TRIM9: variants seen among roughly 807,000 people sequenced by gnomAD.
TRIM9 encodes tripartite motif containing 9.
In TRIM9, 26 loss-of-function variants were observed where a neutral mutation model predicts 78.3. The ratio of observed to expected loss-of-function variants is 0.33; its 90% CI spans 0.24 to 0.46. TRIM9 has a LOEUF of 0.46. TRIM9 is among the 20% of genes least tolerant of loss of function. TRIM9 has a pLI of 1.00. For synonymous variants in TRIM9, 398 were observed against 416.5 expected (o/e 0.96, Z 0.54); for missense variants, 787 against 1,036.4 (o/e 0.76, Z 3.30).
chr14:51,070,228 C>T (rs770439095), intron 1 of TRIM9, among the ~76,000 whole-genome samples: 3 of 152,148 alleles, frequency 2.0e-5, no homozygotes, highest in East Asian at 3.9e-4. Flanking sequence ...AGATAAGCAT[C>T]GTTCAAGCAT....
chr14:51,016,817 A>G (rs1344800434), intron 3 of TRIM9, among the ~76,000 whole-genome samples: 1 of 152,168 alleles, frequency 6.6e-6, no homozygotes, highest in Non-Finnish European at 1.5e-5. Flanking sequence ...AAGTCTGTAC[A>G]TGTTCAGGAG....
chr14:51,043,323 T>C (rs1021727923), intron 1 of TRIM9, among the ~76,000 whole-genome samples: 6 of 152,128 alleles, frequency 3.9e-5, no homozygotes, highest in African/African-American at 1.2e-4. Flanking sequence ...AGCTGAGACA[T>C]GCAGCCGGAG....
chr14:50,978,559 C>A (rs192653737), intron 12 of TRIM9, among the ~76,000 whole-genome samples: 13 of 152,310 alleles, frequency 8.5e-5, no homozygotes, highest in Middle Eastern at 3.4e-3. Context: ...CTCAGCTCAC[C>A]GGTAACTGCG....
At chr14:50,989,434 A>G (rs2053188468) in intron 7 of TRIM9, among the ~76,000 whole-genome samples, 2 of 152,192 alleles carry the variant, frequency 1.3e-5, no homozygotes, top group Non-Finnish European at 2.9e-5. Context: ...TTCATATTCT[A>G]TTATTAAGGA....
At chr14:51,040,830 C>T (rs559258950) in intron 1 of TRIM9, among the ~76,000 whole-genome samples, 160 of 152,354 alleles carry the variant, frequency 1.1e-3, no homozygotes, top group Non-Finnish European at 1.7e-3. Flanking sequence ...TGACCCTTAA[C>T]TCTTCCGCTT....
chr14:51,020,321 G>A (rs1412915631), intron 3 of TRIM9, among the ~76,000 whole-genome samples: 2 of 152,216 alleles, frequency 1.3e-5, no homozygotes, highest in African/African-American at 4.8e-5. Flanking sequence ...GACAGTGTGA[G>A]TGGCACTGGT....
At chr14:51,002,103 T>A (rs1351124091) in intron 5 of TRIM9, among the ~76,000 whole-genome samples, 1 of 107,590 alleles carries the variant, frequency 9.3e-6, no homozygotes, top group Non-Finnish European at 1.8e-5. Context: ...GGAACCATGG[T>A]TTTGTGTGTG....
intron 1 of TRIM9, among the ~76,000 whole-genome samples, chr14:51,053,678 T>C (rs2060649862): frequency 6.7e-6 from 1 of 150,212 alleles, no homozygotes; most frequent in Non-Finnish European, 1.5e-5. Context: ...ACATGTGCCA[T>C]GTTGGTGCGC....
chr14:51,025,303 A>G lies in TRIM9; in HGVS notation c.880T>C (p.Phe294Leu). The change falls in exon 2 of 13, where the codon TTT becomes CTT. Residue 294 changes from phenylalanine (F) to leucine (L), a missense_variant. Phe to Leu is a conservative substitution (Grantham distance 22). This residue lies in a region of TRIM9 where 352 missense variants were observed against 472.3 expected (regional missense o/e 0.75). Transcript: ENST00000684578. The part of the protein sequence containing the change: ...LSDRAKEAKE[F>L]LVQLRNMVQQ... The stretch of plus-strand genomic sequence containing the variant: ...ACCATGTTGCGCAGCTGTACCAGAA[A>G]CTCCTTGGCTTCTTTGGCCCTGTCT... The G allele has an allele frequency of 6.2e-7, 1 of 1,613,984 alleles. No homozygotes were observed. The highest frequency in any genetic ancestry group is 8.5e-7 in the Non-Finnish European group (1 of 1,179,998).
At chr14:51,040,795 T>C (rs927576408) in intron 1 of TRIM9, among the ~76,000 whole-genome samples, 5 of 152,192 alleles carry the variant, frequency 3.3e-5, no homozygotes, top group African/African-American at 1.2e-4. Context: ...GTACTAACAT[T>C]ACATTTACAA....
intron 7 of TRIM9, among the ~76,000 whole-genome samples, chr14:50,992,737 CAGA>C (rs1292357132): frequency 6.6e-6 from 1 of 152,080 alleles, no homozygotes; most frequent in Non-Finnish European, 1.5e-5. Flanking sequence ...CTTCAATGCA[CAGA>C]AGAAGGAGCT....
At chr14:50,984,522 C>A (rs1331809764) in intron 8 of TRIM9, among the ~76,000 whole-genome samples, 2 of 152,142 alleles carry the variant, frequency 1.3e-5, no homozygotes, top group African/African-American at 4.8e-5. Flanking sequence ...CACTTCAATT[C>A]CTATTCATGT....
At chr14:51,037,323 ATGGT>A (rs1447164013) in intron 1 of TRIM9, among the ~76,000 whole-genome samples, 1 of 152,196 alleles carries the variant, frequency 6.6e-6, no homozygotes, top group Non-Finnish European at 1.5e-5. Context: ...CAAGTGCAAC[ATGGT>A]TCCCACTAGG....
At chr14:51,086,229 G>C (rs879547310) in intron 1 of TRIM9, among the ~76,000 whole-genome samples, 3 of 152,190 alleles carry the variant, frequency 2.0e-5, no homozygotes, top group Non-Finnish European at 4.4e-5. Flanking sequence ...GTGAGTTGTA[G>C]AGTCAGACAG....
intron 12 of TRIM9, 111 bp downstream of exon 12, chr14:50,979,276 C>A: frequency 6.3e-7 from 1 of 1,583,228 alleles, no homozygotes; most frequent in Non-Finnish European, 8.6e-7. Flanking sequence ...ATATCTTGGT[C>A]TGGGCCTTAC....
intron 1 of TRIM9, chr14:51,091,076 G>A (rs2064268334): frequency 6.6e-6 from 1 of 152,148 alleles, no homozygotes; most frequent in Non-Finnish European, 1.5e-5. Flanking sequence ...AAGGAATATA[G>A]TTAAGTACTG....
chr14:51,069,805 A>C (rs1385056697), intron 1 of TRIM9, among the ~76,000 whole-genome samples: 1 of 152,226 alleles, frequency 6.6e-6, no homozygotes, highest in Non-Finnish European at 1.5e-5. Context: ...TACTGAGAGC[A>C]ATCTTCAGCT....
rs371541690 is a variant in TRIM9 at position 51,044,130 on chromosome 14, CAT to C, written c.823-18772_823-18771del. Among the ~76,000 whole-genome samples the C allele has an allele frequency of 3.3e-3, 498 of 152,090 alleles. 1 individual carries two copies. Among genetic ancestry groups the C allele is most frequent in the Non-Finnish European group, 6.0e-3 (409 of 67,966 alleles). ...AATTTGCACAAGTACTAGACTGTAA[CAT>C]GTGATTTTACAGAAACATGTAAGAA... On this transcript the variant is annotated intron_variant, in intron 1 of 12. Coordinates refer to ENST00000684578, the MANE Select transcript of TRIM9 (RefSeq NM_001387360.1).
rs948889750 is a variant in TRIM9 at position 50,998,103 on chromosome 14, T to C, written c.1550A>G (p.Asn517Ser). 1.2e-6 allele frequency: 2 copies of C among 1,614,240 alleles called. No individual in the cohort carries two copies. Among genetic ancestry groups the C allele is most frequent in the Non-Finnish European group, 1.7e-6 (2 of 1,180,036 alleles). ...GCTGTACGGGCTGACTCCTGTTTTG[T>C]TGAAGGCCTTGACCCGAGCGTTGTA... is the stretch of plus-strand genomic sequence containing the variant. ...STYNARVKAFNKTGVSPYSKT... is the reference protein window; with the variant it reads ...STYNARVKAFSKTGVSPYSKT... Residue 517 changes from asparagine to serine, a missense_variant, in exon 7 of 13, where the codon AAC becomes AGC. Transcript: ENST00000684578.
Sources: gnomAD v4.1 joint callset for allele counts (sites outside exome capture counted in the v4.1 genomes callset) on GRCh38, gnomAD v4.1.1 for gene constraint, gnomAD v4.1.1 regional missense constraint, MANE v1.5 for transcripts, NCBI Gene and HGNC (gene_info 2026-07-23, HGNC 2026-07-21) for gene names.